Variants in USH2A observed in about 807,000 individuals in gnomAD.
The protein encoded by USH2A is Usher syndrome 2A (autosomal recessive, mild).
In USH2A, 443 loss-of-function variants were observed where a neutral mutation model predicts 538.9. The ratio of observed to expected loss-of-function variants is 0.82; its 90% CI spans 0.76 to 0.89. The LOEUF is 0.89. Among genes scored for constraint, USH2A ranks in the 40% least tolerant of loss-of-function variants. The pLI is 0.00. For synonymous variants in USH2A, 2,413 were observed against 2,273.5 expected, an observed-to-expected ratio of 1.06 and a Z score of -1.75; for missense variants, 6,633 against 6,324.8, an observed-to-expected ratio of 1.05 and a Z score of -1.65.
chr1:215,888,330 G>A, intron 41 of USH2A, 96 bp downstream of exon 41: 1 of 1,574,864 alleles, frequency 6.3e-7, no homozygotes, highest in Non-Finnish European at 8.6e-7. Context: ...AACAACAAAT[G>A]CGTTTGTTTA....
chr1:216,196,733 GAACAAT>G lies in USH2A; in HGVS notation c.4082-17_4082-12del. On this transcript the variant is annotated splice_polypyrimidine_tract_variant and intron_variant, in intron 18 of 71. Coordinates refer to ENST00000307340, the MANE Select transcript of USH2A (RefSeq NM_206933.4). Reference sequence around the variant, plus strand: ...TCATGAATACAGGTGCTATCAATGAGAACAATAACAATAACATCAAAACAATGAATG... The same window carrying G: ...TCATGAATACAGGTGCTATCAATGAGAACAATAACATCAAAACAATGAATG... The G allele has an allele frequency of 6.2e-7, 1 of 1,611,502 alleles. No homozygotes were observed. The highest frequency in any genetic ancestry group is 8.5e-7 in the Non-Finnish European group (1 of 1,178,620).
chr1:216,328,859 T>C (rs2037789877), intron 4 of USH2A, among the ~76,000 whole-genome samples: 1 of 151,982 alleles, frequency 6.6e-6, no homozygotes, highest in East Asian at 1.9e-4. Context: ...TATATTTACA[T>C]GTTATATTTA....
intron 61 of USH2A, among the ~76,000 whole-genome samples, chr1:215,714,424 GA>G (rs1251841590): frequency 6.6e-6 from 1 of 152,146 alleles, no homozygotes; most frequent in African/African-American, 2.4e-5. Flanking sequence ...TTTCCAGGCA[GA>G]AGATGCTCTA....
At chr1:216,320,499 T>C (rs548491819) in intron 9 of USH2A, among the ~76,000 whole-genome samples, 1 of 152,340 alleles carries the variant, frequency 6.6e-6, no homozygotes, top group East Asian at 1.9e-4. Context: ...TGTAGTTCAC[T>C]ATATTTGAAA....
chr1:216,044,261 A>T (rs2030420882), intron 32 of USH2A, among the ~76,000 whole-genome samples: 1 of 152,246 alleles, frequency 6.6e-6, no homozygotes, highest in East Asian at 1.9e-4. Flanking sequence ...TTCTCAGAGG[A>T]CATGTCTATT....
intron 40 of USH2A, among the ~76,000 whole-genome samples, chr1:215,896,490 G>A: frequency 6.6e-6 from 1 of 151,948 alleles, no homozygotes; most frequent in Admixed American, 6.6e-5. Context: ...TTGGGCTGGG[G>A]AATCCACAAT....
intron 21 of USH2A, among the ~76,000 whole-genome samples, chr1:216,116,572 C>T (rs140997798): frequency 6.3e-4 from 96 of 152,122 alleles, no homozygotes; most frequent in African/African-American, 2.0e-3. Flanking sequence ...TGGACCAATA[C>T]GATACTTTAT....
intron 2 of USH2A, among the ~76,000 whole-genome samples, chr1:216,421,034 A>T (rs969849998): frequency 2.6e-5 from 4 of 152,152 alleles, no homozygotes; most frequent in Non-Finnish European, 4.4e-5. Flanking sequence ...AGATAAGCAA[A>T]AATTCCTCAA....
intron 58 of USH2A, among the ~76,000 whole-genome samples, chr1:215,747,720 T>C (rs1009096599): frequency 6.6e-6 from 1 of 152,202 alleles, no homozygotes; most frequent in Non-Finnish European, 1.5e-5. Context: ...CAGGAGGATA[T>C]GCTGATAGAA....
At chr1:216,244,310 A>G (rs986949515) in intron 13 of USH2A, among the ~76,000 whole-genome samples, 1 of 152,164 alleles carries the variant, frequency 6.6e-6, no homozygotes, top group Non-Finnish European at 1.5e-5. Flanking sequence ...TCAGGAAGCA[A>G]AGCTAGGTGT....
At chr1:215,914,449 C>G (rs527726629) in intron 38 of USH2A, among the ~76,000 whole-genome samples, 1 of 152,004 alleles carries the variant, frequency 6.6e-6, no homozygotes, top group South Asian at 2.1e-4. Context: ...CTAAAAATAA[C>G]TATGTACAGT....
At chr1:216,101,723 G>C (rs2032583892) in intron 21 of USH2A, among the ~76,000 whole-genome samples, 1 of 152,202 alleles carries the variant, frequency 6.6e-6, no homozygotes, top group African/African-American at 2.4e-5. Context: ...AAATGAGACA[G>C]GAAATGTTCT....
At chr1:216,021,550 A>G (rs572466164) in intron 32 of USH2A, among the ~76,000 whole-genome samples, 1 of 152,240 alleles carries the variant, frequency 6.6e-6, no homozygotes, top group East Asian at 1.9e-4. Flanking sequence ...AGAACAGACT[A>G]ATACGTGCCC....
chr1:215,628,166 CAAAA>C (rs528586936), intron 71 of USH2A, among the ~76,000 whole-genome samples: 1 of 151,784 alleles, frequency 6.6e-6, no homozygotes, highest in African/African-American at 2.4e-5. Flanking sequence ...AAAGGCAAAA[CAAAA>C]AAAGTACCTT....
At chr1:216,372,615 C>T (rs936973089) in intron 3 of USH2A, among the ~76,000 whole-genome samples, 1 of 152,006 alleles carries the variant, frequency 6.6e-6, no homozygotes, top group Non-Finnish European at 1.5e-5. Flanking sequence ...CTCTCATGGC[C>T]TCTTCTTCCT....
chr1:216,183,436 T>C (rs573760070), intron 20 of USH2A, among the ~76,000 whole-genome samples: 5 of 152,170 alleles, frequency 3.3e-5, no homozygotes, highest in South Asian at 2.1e-4. Flanking sequence ...TTTGCAATCA[T>C]ATTTCTTTAA....
intron 32 of USH2A, among the ~76,000 whole-genome samples, chr1:216,038,461 T>C (rs1203090897): frequency 6.7e-6 from 1 of 150,000 alleles, no homozygotes; most frequent in African/African-American, 2.5e-5. Flanking sequence ...TTTTTCATAA[T>C]ATGCATTTTC....
intron 37 of USH2A, among the ~76,000 whole-genome samples, chr1:215,944,690 A>G (rs181848473): frequency 2.0e-5 from 3 of 152,266 alleles, no homozygotes; most frequent in African/African-American, 7.2e-5. Context: ...TGCTATTCTA[A>G]AGGCTTAATA....
rs150205938 is a variant in USH2A at position 216,303,239 on chromosome 1, C to T, written c.1645-10869G>A. Among the ~76,000 whole-genome samples, 112 of 152,012 alleles carry T rather than the reference C, an allele frequency of 7.4e-4. 1 individual carries two copies. The highest frequency in any genetic ancestry group is 2.6e-3 in the African/African-American group (110 of 41,550). On this transcript the variant is annotated intron_variant, in intron 9 of 71. Transcript: ENST00000307340. ...AAGATAAAGCAATTCTATTTTATTG[C>T]AACCATAATAATTTAACCCTATTGA... is the stretch of plus-strand genomic sequence containing the variant.
Sources: allele counts gnomAD v4.1 joint callset (sites outside exome capture counted in the v4.1 genomes callset), GRCh38; gene constraint gnomAD v4.1.1; transcripts MANE v1.5; gene names NCBI Gene and HGNC (gene_info 2026-07-23, HGNC 2026-07-21).